LRRC8B: variants seen among roughly 807,000 people sequenced by gnomAD.
LRRC8B encodes volume-regulated anion channel subunit LRRC8B.
Under a neutral mutation model 58.8 loss-of-function variants are expected in LRRC8B, and 23 were observed. The observed-to-expected ratio is 0.39, with a 90% confidence interval of 0.28 to 0.55. The LOEUF is 0.55. Among genes scored for constraint, LRRC8B ranks in the 20% least tolerant of loss-of-function variants. The pLI is 0.62. For missense variants in LRRC8B, 694 were observed against 936.0 expected (o/e 0.74, Z 3.37); for synonymous variants, 359 against 374.1 (o/e 0.96, Z 0.47).
chr1:89,547,908 G>T (rs1331070656), intron 1 of LRRC8B, among the ~76,000 whole-genome samples: 1 of 152,180 alleles, frequency 6.6e-6, no homozygotes, highest in African/African-American at 2.4e-5. Flanking sequence ...TTGCTCAGAA[G>T]GCTACTTGCA....
chr1:89,554,102 G>T (rs1652009004), intron 1 of LRRC8B, among the ~76,000 whole-genome samples: 1 of 152,066 alleles, frequency 6.6e-6, no homozygotes, highest in Non-Finnish European at 1.5e-5. Flanking sequence ...ATTTTTTAGT[G>T]TGGAATTTGA....
intron 3 of LRRC8B, among the ~76,000 whole-genome samples, chr1:89,577,335 G>T (rs1320977903): frequency 1.3e-5 from 2 of 152,164 alleles, no homozygotes; most frequent in Non-Finnish European, 2.9e-5. Flanking sequence ...TACAGTCTTA[G>T]AGACTTTGGA....
chr1:89,564,227 T>C (rs17130829), intron 1 of LRRC8B, among the ~76,000 whole-genome samples: 3,341 of 152,304 alleles, frequency 0.022, 132 homozygotes, highest in African/African-American at 0.077. Context: ...ATGTCGACTT[T>C]AATTATTTAA....
intron 1 of LRRC8B, among the ~76,000 whole-genome samples, chr1:89,544,355 T>A (rs1478674824): frequency 6.6e-6 from 1 of 152,196 alleles, no homozygotes; most frequent in African/African-American, 2.4e-5. Flanking sequence ...TTTGGGTGCT[T>A]TATTGTCAGT....
chr1:89,585,055 C>T (rs1654528407), intron 5 of LRRC8B, among the ~76,000 whole-genome samples: 1 of 152,068 alleles, frequency 6.6e-6, no homozygotes, highest in South Asian at 2.1e-4. Context: ...TGTTTTTTTC[C>T]CAGTTTTCTA....
chr1:89,582,708 T>G lies in LRRC8B; in HGVS notation c.58T>G (p.Leu20Val). The G allele has an allele frequency of 6.2e-7, 1 of 1,614,222 alleles. No individual in the cohort carries two copies. The highest frequency in any genetic ancestry group is 8.5e-7 in the Non-Finnish European group (1 of 1,180,030). ...LADAQSSYHI[L>V]KPWWDVFWYY... ...AGATGCCCAGTCATCTTATCACATC[T>G]TAAAACCATGGTGGGACGTCTTCTG... Residue 20 changes from leucine to valine, a missense_variant, in exon 5 of 6, where the codon TTA becomes GTA. Around this residue, in one of 5 missense-constraint regions of LRRC8B, gnomAD observed 316 missense variants for 403.8 expected, o/e 0.78. Transcript: ENST00000330947.
chr1:89,530,179 T>C (rs1650006199), intron 1 of LRRC8B, among the ~76,000 whole-genome samples: 1 of 148,676 alleles, frequency 6.7e-6, no homozygotes, highest in Non-Finnish European at 1.5e-5. Flanking sequence ...TGAAACCCCG[T>C]CTCTACAAAA....
chr1:89,564,258 A>G (rs114590519), intron 1 of LRRC8B, among the ~76,000 whole-genome samples: 2,613 of 152,292 alleles, frequency 0.017, 84 homozygotes, highest in African/African-American at 0.059. Flanking sequence ...GGGTGGAGGA[A>G]GCACTTGTTG....
At chr1:89,563,443 T>G (rs931230897) in intron 1 of LRRC8B, among the ~76,000 whole-genome samples, 1 of 152,156 alleles carries the variant, frequency 6.6e-6, no homozygotes, top group East Asian at 1.9e-4. Flanking sequence ...CATCAAGGTA[T>G]ATTAAAGGCT....
chr1:89,528,993 C>T (rs1649907855), intron 1 of LRRC8B, among the ~76,000 whole-genome samples: 1 of 151,560 alleles, frequency 6.6e-6, no homozygotes, highest in Admixed American at 6.6e-5. Flanking sequence ...AGTCTTATTC[C>T]TAGCTAAATA....
At chr1:89,533,543 T>C (rs1315348901) in intron 1 of LRRC8B, among the ~76,000 whole-genome samples, 2 of 152,164 alleles carry the variant, frequency 1.3e-5, no homozygotes, top group East Asian at 3.8e-4. Flanking sequence ...AAAGCATACC[T>C]TTTCTGAAAG....
intron 1 of LRRC8B, among the ~76,000 whole-genome samples, chr1:89,566,583 C>T (rs1369616659): frequency 1.3e-5 from 2 of 152,212 alleles, no homozygotes; most frequent in South Asian, 2.1e-4. Context: ...TGATATCTTG[C>T]TAGATCTTTC....
At chr1:89,589,248 G>C (rs1195939287) in intron 5 of LRRC8B, among the ~76,000 whole-genome samples, 1 of 152,156 alleles carries the variant, frequency 6.6e-6, no homozygotes, top group Non-Finnish European at 1.5e-5. Context: ...GAGGTCTGAA[G>C]TTTCCTGGCA....
At chr1:89,563,790 A>AC (rs1652852660) in intron 1 of LRRC8B, among the ~76,000 whole-genome samples, 1 of 152,222 alleles carries the variant, frequency 6.6e-6, no homozygotes, top group African/African-American at 2.4e-5. Context: ...CATTAGGTTG[A>AC]AACCATTATT....
chr1:89,592,680 T>A lies in LRRC8B; in HGVS notation c.2140-91T>A, dbSNP rs921180916. On this transcript the variant is annotated intron_variant, in intron 5 of 5. Transcript: ENST00000330947. ...ATCACTTATAAACCTCCAGAAATGT[T>A]TTGTTTTTTTTTTTTTGGAAAAAAG... The A allele has an allele frequency of 2.7e-6, 3 of 1,125,590 alleles. No individual in the cohort carries two copies. The Admixed American group carries it at 7.1e-5, about 27-fold the overall frequency. The allele number at this position is 1,125,590 out of a possible 1,614,324, so 69.7% of individuals were successfully genotyped here. A position where few individuals can be genotyped will look rare whatever the true frequency, so the allele number is the denominator to read the frequency against.
rs765561275 is a variant in LRRC8B at position 89,595,714 on chromosome 1, A to G, written c.*2671A>G. 2.6e-5 allele frequency: 4 copies of G among 152,130 alleles called. No individual in the cohort carries two copies. Among genetic ancestry groups the G allele is most frequent in the Non-Finnish European group, 5.9e-5 (4 of 67,972 alleles). 9.4% of individuals were successfully genotyped at this position (152,130 alleles called of 1,614,324 possible). A position where few individuals can be genotyped will look rare whatever the true frequency, so the allele number is the denominator to read the frequency against. ...TCGCTTTTGAGACAAGGTAGCCCTGATGCAAGGAAAAATGAGGCTACTACT... is the reference window on the plus strand; with the variant it reads ...TCGCTTTTGAGACAAGGTAGCCCTGGTGCAAGGAAAAATGAGGCTACTACT... On this transcript the variant is annotated 3_prime_UTR_variant, in exon 6 of 6. Transcript: ENST00000330947.
rs1208474088 is a variant in LRRC8B at position 89,594,279 on chromosome 1, C to T, written c.*1236C>T. 6.6e-6 allele frequency: 1 copy of T among 152,110 alleles called. No individual in the cohort carries two copies. Among genetic ancestry groups the T allele is most frequent in the Non-Finnish European group, 1.5e-5 (1 of 68,006 alleles). The allele number at this position is 152,110 out of a possible 1,614,324, so 9.4% of individuals were successfully genotyped here. On this transcript the variant is annotated 3_prime_UTR_variant, in exon 6 of 6. Transcript: ENST00000330947. ...TTCTGCTCCAAAATGTTTTTGTACT[C>T]TGCAACTAATTACTTTTGGATAACA...
intron 1 of LRRC8B, among the ~76,000 whole-genome samples, chr1:89,562,574 A>G (rs1652760752): frequency 6.6e-6 from 1 of 152,002 alleles, no homozygotes; most frequent in Non-Finnish European, 1.5e-5. Context: ...CCTGAACTCA[A>G]GCAGTCCTGT....
At chr1:89,542,292 A>G (rs920716561) in intron 1 of LRRC8B, among the ~76,000 whole-genome samples, 8 of 152,242 alleles carry the variant, frequency 5.3e-5, no homozygotes, top group African/African-American at 1.7e-4. Flanking sequence ...AGAGTCTTCA[A>G]GGTGGTTCCT....
Sources: gnomAD v4.1 joint callset for allele counts (sites outside exome capture counted in the v4.1 genomes callset) on GRCh38, gnomAD v4.1.1 for gene constraint, gnomAD v4.1.1 regional missense constraint, MANE v1.5 for transcripts, NCBI Gene and HGNC (gene_info 2026-07-23, HGNC 2026-07-21) for gene names.